The following ZNF479 variants were observed in gnomAD, a reference collection of about 807,000 sequenced individuals.
ZNF479 encodes zinc finger protein 479.
A neutral mutation model predicts 14.7 loss-of-function variants in ZNF479; 15 were observed. That is an observed-to-expected ratio of 1.02 (90% confidence interval 0.68 to 1.57). ZNF479 has a LOEUF of 1.57. ZNF479 is among the 40% of genes most tolerant of loss of function. ZNF479 has a pLI of 0.00. For synonymous variants in ZNF479, 145 were observed against 211.5 expected, an observed-to-expected ratio of 0.69 and a Z score of 2.73; for missense variants, 506 against 615.1, an observed-to-expected ratio of 0.82 and a Z score of 1.88.
At chr7:57,123,898 TA>T (rs1266282488) in intron 3 of ZNF479, among the ~76,000 whole-genome samples, 1 of 150,700 alleles carries the variant, frequency 6.6e-6, no homozygotes, top group Non-Finnish European at 1.5e-5. Flanking sequence ...TGAATAAAAC[TA>T]AAAAGAAAAA....
At position 57,120,752 on chromosome 7, in the gene ZNF479, G is replaced by A. The variant is rs1554400321; in HGVS notation, c.663C>T (p.Ser221=). 5 of 1,612,838 alleles carry A rather than the reference G, an allele frequency of 3.1e-6. No homozygotes were observed. The highest frequency in any genetic ancestry group is 1.7e-4 in the Middle Eastern group (1 of 6,046). Residue 221 remains serine, a synonymous_variant, in exon 4 of 4, where the codon TCC becomes TCT. Transcript: ENST00000319636. ...KSYKCKECGK[S]FNCSSNHTTH... ...TAGTATGGTTTGAGGAGCAGTTAAA[G>A]GATTTGCCACATTCTTTGCATTTGT...
At chr7:57,128,969 TCACCTGCTACCAC>T (rs1488626312) in intron 1 of ZNF479, among the ~76,000 whole-genome samples, 1 of 152,146 alleles carries the variant, frequency 6.6e-6, no homozygotes, top group African/African-American at 2.4e-5. Flanking sequence ...CACAACCTAT[TCACCTGCTACCAC>T]CACACACACC....
rs782227480 is a variant in ZNF479, at chr7:57,120,227, A to G, written c.1188T>C (p.Leu396=). 1.3e-5 allele frequency: 21 copies of G among 1,610,860 alleles called. No individual in the cohort carries two copies. The highest frequency in any genetic ancestry group is 1.7e-4 in the Middle Eastern group (1 of 6,058). Reference sequence around the variant, plus strand: ...CAGTATGAATTCTCTTGTGGATAGTAAGTGCTGAGGAGCGCCTAAAGTCTT... The same window carrying G: ...CAGTATGAATTCTCTTGTGGATAGTGAGTGCTGAGGAGCGCCTAAAGTCTT... The part of the protein sequence containing the change: ...CGQDFRRSSA[L]TIHKRIHTGE... Residue 396 remains leucine, a synonymous_variant, in exon 4 of 4, where the codon CTT becomes CTC. Coordinates refer to ENST00000319636, the MANE Select transcript of ZNF479 (RefSeq NM_001370129.2).
intron 1 of ZNF479, among the ~76,000 whole-genome samples, 175 bp from the exon 2 acceptor site, chr7:57,126,893 A>G (rs1409347082): frequency 5.3e-5 from 8 of 152,186 alleles, no homozygotes; most frequent in Admixed American, 5.2e-4. Flanking sequence ...AGTATTCTCT[A>G]ACTCTGAGAA....
At chr7:57,128,572 T>C (rs1423990955) in intron 1 of ZNF479, among the ~76,000 whole-genome samples, 1 of 152,176 alleles carries the variant, frequency 6.6e-6, no homozygotes, top group Non-Finnish European at 1.5e-5. Flanking sequence ...ACAGCTACAA[T>C]GGGAACATTT....
In ZNF479 at chr7:57,131,932, A is replaced by G. The variant is rs577026238; in HGVS notation, c.39+354T>C. 1.1e-4 allele frequency among the ~76,000 whole-genome samples: 16 copies of G among 152,310 alleles called. No individual in the cohort carries two copies. The South Asian group carries it at 3.1e-3, about 30-fold the overall frequency. On this transcript the variant is annotated intron_variant, in intron 1 of 3. Coordinates refer to ENST00000319636, the MANE Select transcript of ZNF479 (RefSeq NM_001370129.2). The stretch of plus-strand genomic sequence containing the variant: ...GAGGAACTAAGGACCCCAGGACCAC[A>G]GCTCTTTCCACTCATGAATCTTGCA...
In ZNF479 at chr7:57,118,573, T is replaced by G. The variant is rs1331298760; in HGVS notation, c.*1267A>C. ...TTTTAGTAGAGATGGAGTTTCACCA[T>G]GTTGGCCAGGCTGGTCTTGAACTCC... is the stretch of plus-strand genomic sequence containing the variant. On this transcript the variant is annotated 3_prime_UTR_variant, in exon 4 of 4. Coordinates refer to ENST00000319636, the MANE Select transcript of ZNF479 (RefSeq NM_001370129.2). 3.9e-5 allele frequency among the ~76,000 whole-genome samples: 6 copies of G among 152,340 alleles called. No individual in the cohort carries two copies. In the South Asian group the frequency reaches 1.0e-3, roughly 26 times the overall value.
At chr7:57,133,281 TC>T (rs1432537441), upstream of ZNF479, among the ~76,000 whole-genome samples, 1 of 152,170 alleles carries the variant, frequency 6.6e-6, no homozygotes, top group Admixed American at 6.5e-5. Context: ...TGGCACGTCC[TC>T]CCCGGTTCTT....
upstream of ZNF479, among the ~76,000 whole-genome samples, chr7:57,137,324 T>C (rs542369255): frequency 3.0e-4 from 46 of 152,216 alleles, no homozygotes; most frequent in African/African-American, 1.1e-3. Flanking sequence ...TTTGTATTTT[T>C]ACTAAATACT....
upstream of ZNF479, among the ~76,000 whole-genome samples, chr7:57,134,400 A>G (rs1054791193): frequency 3.9e-5 from 6 of 152,188 alleles, no homozygotes; most frequent in Non-Finnish European, 7.3e-5. Context: ...AACGAATGCC[A>G]TGGCAACATC....
upstream of ZNF479, among the ~76,000 whole-genome samples, chr7:57,137,216 A>G (rs923055219): frequency 6.6e-6 from 1 of 152,168 alleles, no homozygotes; most frequent in Non-Finnish European, 1.5e-5. Context: ...TGCTCACTAC[A>G]ACTCTGCCTC....
In ZNF479 at chr7:57,126,085, G is replaced by C. The variant is rs572625870; in HGVS notation, c.195C>G (p.Ile65Met). Reference sequence around the variant, plus strand: ...ACTCTTTATTTTGCTCCAGACAGGTGATCAAGTCTGGCTTAGAGACAGCAA... The same window carrying C: ...ACTCTTTATTTTGCTCCAGACAGGTCATCAAGTCTGGCTTAGAGACAGCAA... ...LGIAVSKPDL[I>M]TCLEQNKESQ... is the part of the protein sequence containing the mutation. Residue 65 changes from isoleucine (I) to methionine (M), a missense_variant, in exon 3 of 4, where the codon ATC becomes ATG. Physicochemically the swap from Ile to Met is conservative, Grantham distance 10. Transcript: ENST00000319636. 1 of 1,602,740 alleles carries C rather than the reference G, an allele frequency of 6.2e-7. No homozygotes were observed. Among genetic ancestry groups the C allele is most frequent in the African/African-American group, 1.3e-5 (1 of 74,652 alleles).
chr7:57,130,802 G>A (rs1315612497), intron 1 of ZNF479, among the ~76,000 whole-genome samples: 4 of 152,078 alleles, frequency 2.6e-5, no homozygotes, highest in African/African-American at 7.2e-5. Context: ...ACACATGCAC[G>A]CATATGTTTA....
rs1785796106 is a variant in ZNF479 at position 57,119,205 on chromosome 7, G to T, written c.*635C>A. ...TATTAATTCTCTTATGTATAATAAG[G>T]GTTCAAGACTAGTTAACAGCTTTAC... On this transcript the variant is annotated 3_prime_UTR_variant, in exon 4 of 4. Coordinates refer to ENST00000319636, the MANE Select transcript of ZNF479 (RefSeq NM_001370129.2). 6.6e-6 allele frequency among the ~76,000 whole-genome samples: 1 copy of T among 151,992 alleles called. No individual in the cohort carries two copies. Among genetic ancestry groups the T allele is most frequent in the African/African-American group, 2.4e-5 (1 of 41,390 alleles).
At position 57,119,718 on chromosome 7, in the gene ZNF479, C is replaced by T. The variant is rs1362112679; in HGVS notation, c.*122G>A. The stretch of plus-strand genomic sequence containing the variant: ...AAAATTTCTGTCCAATATGAATTCT[C>T]TTACATTCAATTAAGGTTTGGAACT... On this transcript the variant is annotated 3_prime_UTR_variant, in exon 4 of 4. Transcript: ENST00000319636. 3 of 1,018,738 alleles carry T rather than the reference C, an allele frequency of 2.9e-6. No homozygotes were observed. The African/African-American group carries it at 4.9e-5, about 17-fold the overall frequency. The allele number at this position is 1,018,738 out of a possible 1,614,324, so 63.1% of individuals were successfully genotyped here.
At chr7:57,130,959 G>A (rs1786391649) in intron 1 of ZNF479, among the ~76,000 whole-genome samples, 1 of 152,122 alleles carries the variant, frequency 6.6e-6, no homozygotes, top group Non-Finnish European at 1.5e-5. Flanking sequence ...CAGCAATGTC[G>A]ATTGAACTGG....
At chr7:57,127,194 T>C (rs1482109338) in intron 1 of ZNF479, among the ~76,000 whole-genome samples, 1 of 151,740 alleles carries the variant, frequency 6.6e-6, no homozygotes, top group Non-Finnish European at 1.5e-5. Context: ...GGCTAATTTT[T>C]GTATTTTTAG....
At position 57,120,408 on chromosome 7, in the gene ZNF479, C is replaced by G. The variant is rs373275999; in HGVS notation, c.1007G>C (p.Trp336Ser). The G allele has an allele frequency of 6.2e-7, 1 of 1,612,396 alleles. No individual in the cohort carries two copies. The highest frequency in any genetic ancestry group is 1.3e-5 in the African/African-American group (1 of 74,466). Reference sequence around the variant, plus strand: ...CTTATGTCTAGTAAGGTTTGAGGACCAGCTAAAGGCTTTGCCACATTCCTC... The same window carrying G: ...CTTATGTCTAGTAAGGTTTGAGGACGAGCTAAAGGCTTTGCCACATTCCTC... ...RCEECGKAFS[W>S]SSNLTRHKRI... Residue 336 changes from tryptophan (W) to serine (S), a missense_variant, in exon 4 of 4, where the codon TGG (tryptophan) becomes TCG (serine). By Grantham distance (177) the Trp-to-Ser change is radical. Around this residue, in one of 3 missense-constraint regions of ZNF479, gnomAD observed 420 missense variants for 474.2 expected, o/e 0.89. Transcript: ENST00000319636.
upstream of ZNF479, among the ~76,000 whole-genome samples, chr7:57,132,910 G>A (rs1360717955): frequency 2.6e-5 from 4 of 152,088 alleles, no homozygotes; most frequent in Non-Finnish European, 4.4e-5. Flanking sequence ...GGCCGAGGCC[G>A]GCAGGTCACT....
Sources: allele counts gnomAD v4.1 joint callset (sites outside exome capture counted in the v4.1 genomes callset), GRCh38; gene constraint gnomAD v4.1.1; regional missense constraint gnomAD v4.1.1; transcripts MANE v1.5; gene names NCBI Gene and HGNC (gene_info 2026-07-23, HGNC 2026-07-21).